Variants in ADGRA3 observed in about 807,000 individuals in gnomAD.
The protein encoded by ADGRA3 is adhesion G protein-coupled receptor A3.
In ADGRA3, 56 loss-of-function variants were observed where a neutral mutation model predicts 119.8. The ratio of observed to expected loss-of-function variants is 0.47; its 90% confidence interval spans 0.38 to 0.58. ADGRA3 has a LOEUF of 0.58. Among genes scored for constraint, ADGRA3 ranks in the 20% least tolerant of loss-of-function variants. The pLI is 0.00. For missense variants in ADGRA3, 1,516 were observed against 1,649.0 expected (o/e 0.92, Z 1.40); for synonymous variants, 607 against 623.8 (o/e 0.97, Z 0.40).
intron 3 of ADGRA3, among the ~76,000 whole-genome samples, chr4:22,457,588 A>T (rs1324237576): frequency 6.6e-6 from 1 of 152,224 alleles, no homozygotes; most frequent in Admixed American, 6.5e-5. Context: ...ACAAGAGACT[A>T]CTTAACGTGT....
intron 16 of ADGRA3, chr4:22,393,637 T>C (rs1309271846): frequency 6.6e-6 from 1 of 152,106 alleles, no homozygotes; most frequent in African/African-American, 2.4e-5. Context: ...AAGAGTAATA[T>C]AAAAGTACTG....
chr4:22,434,717 C>T (rs1459662183), intron 10 of ADGRA3, among the ~76,000 whole-genome samples: 1 of 152,134 alleles, frequency 6.6e-6, no homozygotes, highest in Admixed American at 6.5e-5. Flanking sequence ...GTAAACTGTG[C>T]TTGTCAATTT....
chr4:22,400,417 G>A (rs1714565840), intron 16 of ADGRA3, among the ~76,000 whole-genome samples: 1 of 152,086 alleles, frequency 6.6e-6, no homozygotes, highest in Admixed American at 6.6e-5. Context: ...GAAACATTAT[G>A]CTAAATGAAA....
At chr4:22,497,222 T>C (rs1236989667) in intron 1 of ADGRA3, among the ~76,000 whole-genome samples, 1 of 152,038 alleles carries the variant, frequency 6.6e-6, no homozygotes, top group Non-Finnish European at 1.5e-5. Flanking sequence ...TGGGGGGAAA[T>C]GCAGGCAAGA....
chr4:22,410,891 A>C (rs547950483), intron 14 of ADGRA3, among the ~76,000 whole-genome samples: 6 of 152,332 alleles, frequency 3.9e-5, no homozygotes, highest in African/African-American at 1.4e-4. Flanking sequence ...ATAGAAAAAA[A>C]ATCTTAGTAC....
intron 14 of ADGRA3, among the ~76,000 whole-genome samples, chr4:22,405,020 C>G (rs1025504413): frequency 3.3e-5 from 5 of 152,092 alleles, no homozygotes; most frequent in Non-Finnish European, 5.9e-5. Context: ...TTGCCACTTA[C>G]CAGCTATAAG....
chr4:22,494,206 GA>G (rs765015053), intron 1 of ADGRA3, among the ~76,000 whole-genome samples: 1,440 of 132,006 alleles, frequency 0.011, 34 homozygotes, highest in Admixed American at 0.055. Context: ...CTCTGTCTCA[GA>G]AAAAAAAAAA....
chr4:22,402,521 G>A (rs995287856), intron 15 of ADGRA3, among the ~76,000 whole-genome samples, 154 bp downstream of exon 15: 2 of 152,014 alleles, frequency 1.3e-5, no homozygotes, highest in African/African-American at 4.8e-5. Context: ...TGTTTCTAAT[G>A]GCATGAAATG....
chr4:22,422,763 T>C (rs145544938), intron 11 of ADGRA3, among the ~76,000 whole-genome samples: 361 of 152,306 alleles, frequency 2.4e-3, no homozygotes, highest in Middle Eastern at 6.8e-3. Flanking sequence ...GGGGAAGTTC[T>C]TTCAGCTGAT....
Position 22,413,606 on chromosome 4 carries a change from T to G in ADGRA3, c.2018A>C (p.Lys673Thr), listed in dbSNP as rs1184576559. 1 of 1,613,430 alleles carries G rather than the reference T, an allele frequency of 6.2e-7. No homozygotes were observed. Among genetic ancestry groups the G allele is most frequent in the Non-Finnish European group, 8.5e-7 (1 of 1,179,448 alleles). Residue 673 changes from lysine (K) to threonine (T), a missense_variant, in exon 13 of 19, where the codon AAA (lysine) becomes ACA (threonine). Lys to Thr is a moderately conservative substitution (Grantham distance 78, BLOSUM62 -1). Transcript: ENST00000334304. Reference protein sequence around the residue: ...RTVVTPVILTKIDGVNVDTHH... With the variant: ...RTVVTPVILTTIDGVNVDTHH... ...AACATATGCCACATACAAACCTATT[T>G]TGGTGAGAATCACAGGGGTAACCAC...
At position 22,488,355 on chromosome 4, in the gene ADGRA3, TTA is replaced by T. The variant is rs1491319071; in HGVS notation, c.258-14514_258-14513del. Among the ~76,000 whole-genome samples, 7 of 118,236 alleles carry T rather than the reference TTA, an allele frequency of 5.9e-5. No individual in the cohort carries two copies. The East Asian group carries it at 2.2e-3, about 37-fold the overall frequency. 77.6% of individuals were successfully genotyped at this position (118,236 alleles called of 152,430 possible). The stretch of plus-strand genomic sequence containing the variant: ...GCACATCAAAATAATTTATGAAGCT[TTA>T]AAAAAAAAAAAAAGTCAAAGCCTTG... On this transcript the variant is annotated intron_variant, in intron 1 of 18. Coordinates refer to ENST00000334304, the MANE Select transcript of ADGRA3 (RefSeq NM_145290.4).
rs1363480860 is a variant in ADGRA3, at chr4:22,436,588, G to C, written c.1139C>G (p.Thr380Ser). Residue 380 changes from threonine to serine, a missense_variant, in exon 9 of 19, where the codon ACC (threonine) becomes AGC (serine). Transcript: ENST00000334304. ...ITAYLQCTRNTHGSGIYPGNP... is the reference protein window; with the variant it reads ...ITAYLQCTRNSHGSGIYPGNP... ...TCCGGGATATATCCCACTGCCATGG[G>C]TGTTCCGCGTACACTGCAGATATGC... 1 of 1,614,090 alleles carries C rather than the reference G, an allele frequency of 6.2e-7. No homozygotes were observed. Among genetic ancestry groups the C allele is most frequent in the African/African-American group, 1.3e-5 (1 of 75,046 alleles).
At position 22,387,623 on chromosome 4, in the gene ADGRA3, A is replaced by G. The variant is rs1306265853; in HGVS notation, c.*82T>C. 3 of 1,359,598 alleles carry G rather than the reference A, an allele frequency of 2.2e-6. No homozygotes were observed. The highest frequency in any genetic ancestry group is 3.0e-6 in the Non-Finnish European group (3 of 1,004,092). The allele number at this position is 1,359,598 out of a possible 1,614,324, so 84.2% of individuals were successfully genotyped here. A position where few individuals can be genotyped will look rare whatever the true frequency, so the allele number is the denominator to read the frequency against. On this transcript the variant is annotated 3_prime_UTR_variant, in exon 19 of 19. Transcript: ENST00000334304. The stretch of plus-strand genomic sequence containing the variant: ...TCTTTTGAATCCCTATGGTGGCTGT[A>G]AACAGTTTTTAAATGCTCATAGCTT...
At position 22,413,697 on chromosome 4, in the gene ADGRA3, T is replaced by C. The variant is rs767514267; in HGVS notation, c.1927A>G (p.Asn643Asp). The C allele has an allele frequency of 6.2e-7, 1 of 1,613,984 alleles. No individual in the cohort carries two copies. The highest frequency in any genetic ancestry group is 1.1e-5 in the South Asian group (1 of 91,082). Residue 643 changes from asparagine (N) to aspartate (D), a missense_variant, in exon 13 of 19, where the codon AAT becomes GAT. Physicochemically the swap from Asn to Asp is conservative, Grantham distance 23 (BLOSUM62 1). Around this residue, in one of 2 missense-constraint regions of ADGRA3, gnomAD observed 1,088 missense variants for 1,107.1 expected, o/e 0.98. Transcript: ENST00000334304. ...CCAGTGGCTGGAAAAAGCTTTCCAT[T>C]GCGGAATGCAATGAGTTGAAGCTTG... The part of the protein sequence containing the change: ...LYKLQLIAFR[N>D]GKLFPATGNS...
Position 22,407,023 on chromosome 4 carries a change from G to A in ADGRA3, c.2233-4224C>T, listed in dbSNP as rs144441397. 3.3e-5 allele frequency among the ~76,000 whole-genome samples: 5 copies of A among 152,306 alleles called. No homozygotes were observed. The East Asian group carries it at 9.6e-4, about 29-fold the overall frequency. ...GCAGTGGCTAACGCCTGTAATCCCAGCACTTTGGGAGGCCGAGGCGGGTGG... is the reference window on the plus strand; with the variant it reads ...GCAGTGGCTAACGCCTGTAATCCCAACACTTTGGGAGGCCGAGGCGGGTGG... On this transcript the variant is annotated intron_variant, in intron 14 of 18. Transcript: ENST00000334304.
At chr4:22,406,449 A>AAAT (rs1326329312) in intron 14 of ADGRA3, among the ~76,000 whole-genome samples, 1 of 152,178 alleles carries the variant, frequency 6.6e-6, no homozygotes, top group African/African-American at 2.4e-5. Flanking sequence ...AACAATGTAT[A>AAAT]AGAGTTCTCT....
intron 2 of ADGRA3, among the ~76,000 whole-genome samples, chr4:22,466,813 T>C (rs896149993): frequency 7.9e-5 from 12 of 152,102 alleles, no homozygotes; most frequent in Admixed American, 5.9e-4. Context: ...CTGTCCTCAC[T>C]GAGAGACCAC....
chr4:22,506,293 C>A (rs1205183420), intron 1 of ADGRA3, among the ~76,000 whole-genome samples: 2 of 152,178 alleles, frequency 1.3e-5, no homozygotes, highest in Non-Finnish European at 2.9e-5. Context: ...TGGCTCATGC[C>A]TGTAATCCCA....
chr4:22,486,511 G>C (rs565904264), intron 1 of ADGRA3, among the ~76,000 whole-genome samples: 7 of 152,262 alleles, frequency 4.6e-5, no homozygotes, highest in African/African-American at 1.7e-4. Context: ...TAAAGTCCCA[G>C]GTCCTCTGTA....
Sources: allele counts gnomAD v4.1 joint callset (sites outside exome capture counted in the v4.1 genomes callset), GRCh38; gene constraint gnomAD v4.1.1; regional missense constraint gnomAD v4.1.1; transcripts MANE v1.5; gene names NCBI Gene and HGNC (gene_info 2026-07-23, HGNC 2026-07-21).